The following RAB17 variants were observed in gnomAD, a reference collection of about 807,000 sequenced individuals.
The protein encoded by RAB17 is ras-related protein Rab-17.
RAB17 carries 15 observed loss-of-function variants against 19.3 expected under a neutral mutation model. That is an observed-to-expected ratio of 0.78 (90% CI 0.52 to 1.20). The LOEUF is 1.20. Among genes scored for constraint, RAB17 ranks in the 50% most tolerant of loss-of-function variants. RAB17 has a pLI of 0.00. For missense variants in RAB17, 262 were observed against 269.3 expected (o/e 0.97, Z 0.19); for synonymous variants, 110 against 112.8 (o/e 0.97, Z 0.16).
In RAB17 at chr2:237,574,894, C is replaced by A; in HGVS notation, c.*125G>T. The A allele has an allele frequency of 1.2e-6, 1 of 869,102 alleles. No homozygotes were observed. Among genetic ancestry groups the A allele is most frequent in the Non-Finnish European group, 1.7e-6 (1 of 593,656 alleles). The allele number at this position is 869,102 out of a possible 1,614,324, so 53.8% of individuals were successfully genotyped here. On this transcript the variant is annotated 3_prime_UTR_variant, in exon 6 of 6. Transcript: ENST00000264601. ...TGGGAAGTGGTTTTCATAAAGGGGG[C>A]CAACTTCCAGGAACATCTAGGGCTC...
intron 2 of RAB17, among the ~76,000 whole-genome samples, chr2:237,581,982 T>C (rs1245410582): frequency 6.6e-6 from 1 of 152,236 alleles, no homozygotes; most frequent in Non-Finnish European, 1.5e-5. Context: ...GGGCAGTCCA[T>C]GGGGAGGTCC....
At chr2:237,577,773 AACT>A in intron 3 of RAB17, 1 of 537,890 alleles carries the variant, frequency 1.9e-6, no homozygotes, top group Non-Finnish European at 3.3e-6. Context: ...CAGCACCAGG[AACT>A]ACTGAGTGGC....
chr2:237,576,738 G>T (rs907852696), intron 4 of RAB17: 2 of 471,036 alleles, frequency 4.2e-6, no homozygotes, highest in Non-Finnish European at 4.4e-6. Context: ...AAACAACAGC[G>T]ACACCTGGGT....
chr2:237,583,918 C>G (rs982701423), intron 2 of RAB17, among the ~76,000 whole-genome samples: 1 of 151,834 alleles, frequency 6.6e-6, no homozygotes, highest in South Asian at 2.1e-4. Context: ...GACATACAGG[C>G]CTGCCCCCCA....
chr2:237,586,757 T>A (rs569360569), intron 1 of RAB17, among the ~76,000 whole-genome samples: 107 of 152,250 alleles, frequency 7.0e-4, no homozygotes, highest in African/African-American at 2.6e-3. Flanking sequence ...TTTTTCATCA[T>A]AGAAACTTTC....
chr2:237,589,038 G>A (rs1054833161), intron 1 of RAB17, among the ~76,000 whole-genome samples: 3 of 152,236 alleles, frequency 2.0e-5, no homozygotes, highest in African/African-American at 4.8e-5. Context: ...TGTCCAACAC[G>A]GTGAAACCCC....
chr2:237,586,012 A>G lies in RAB17; in HGVS notation c.143T>C (p.Leu48Pro), dbSNP rs1397876056. Residue 48 changes from leucine (L) to proline (P), a missense_variant, in exon 2 of 6, where the codon CTG (leucine) becomes CCG (proline). Leu to Pro is a moderately conservative substitution (Grantham distance 98). Coordinates refer to ENST00000264601, the MANE Select transcript of RAB17 (RefSeq NM_022449.4). ...RYVKNDFKSI[L>P]PTVGCAFFTK... ...CCCTCACTTACAGCCCACCGTAGGCAGGATACTCTTGAAGTCGTTCTTCAC... is the reference window on the plus strand; with the variant it reads ...CCCTCACTTACAGCCCACCGTAGGCGGGATACTCTTGAAGTCGTTCTTCAC... The G allele has an allele frequency of 1.2e-6, 2 of 1,609,940 alleles. No individual in the cohort carries two copies. Among genetic ancestry groups the G allele is most frequent in the African/African-American group, 2.7e-5 (2 of 74,702 alleles).
intron 1 of RAB17, among the ~76,000 whole-genome samples, chr2:237,588,227 G>A (rs2081365998): frequency 7.3e-6 from 1 of 136,852 alleles, no homozygotes; most frequent in Non-Finnish European, 1.5e-5. Context: ...GATTAACACT[G>A]CTGCGTCTTG....
chr2:237,580,757 G>T (rs370568871), intron 2 of RAB17, among the ~76,000 whole-genome samples: 46 of 151,810 alleles, frequency 3.0e-4, no homozygotes, highest in African/African-American at 9.0e-4. Flanking sequence ...AAAAAAGAAG[G>T]GGGGGGAGGA....
intron 2 of RAB17, 89 bp downstream of exon 2, chr2:237,585,909 G>A: frequency 4.4e-6 from 6 of 1,368,490 alleles, no homozygotes; most frequent in East Asian, 2.5e-5. Flanking sequence ...ATTCCTAGGT[G>A]GGCCTCGTCC....
chr2:237,577,381 T>A lies in RAB17; in HGVS notation c.311A>T (p.Asp104Val). Residue 104 changes from aspartate to valine, a missense_variant and splice_region_variant, in exon 4 of 6, where the codon GAT becomes GTT. Transcript: ENST00000264601. The part of the protein sequence containing the change: ...ALLVYDITRK[D>V]SFLKAQQWLK... ...CCACTGCTGAGCCTTGAGGAAGGAA[T>A]CCTAGAAAAGAAGAAAAAAAGTAAC... The A allele has an allele frequency of 6.3e-7, 1 of 1,596,876 alleles. No homozygotes were observed. Among genetic ancestry groups the A allele is most frequent in the Non-Finnish European group, 8.5e-7 (1 of 1,170,538 alleles).
chr2:237,579,333 G>A (rs902766539), intron 2 of RAB17: 19 of 152,290 alleles, frequency 1.2e-4, no homozygotes, highest in Non-Finnish European at 2.3e-4. Flanking sequence ...TGAGCCGAGT[G>A]GCTCAAATTA....
chr2:237,574,376 CTT>C lies in RAB17; in HGVS notation c.*641_*642del. 1 of 1,517,218 alleles carries C rather than the reference CTT, an allele frequency of 6.6e-7. No individual in the cohort carries two copies. The highest frequency in any genetic ancestry group is 1.3e-5 in the South Asian group (1 of 78,022). 94.0% of individuals were successfully genotyped at this position (1,517,218 alleles called of 1,614,324 possible). ...AGGAAAAACTGCATACGCAGTACAA[CTT>C]ATATCTCAGGCGAAATGTCTCAGAA... is the stretch of plus-strand genomic sequence containing the variant. On this transcript the variant is annotated 3_prime_UTR_variant, in exon 6 of 6. Transcript: ENST00000264601.
At chr2:237,579,262 TA>T (rs2149183962) in intron 2 of RAB17, 1 of 152,292 alleles carries the variant, frequency 6.6e-6, no homozygotes, top group South Asian at 2.1e-4. Context: ...ATGTTTAAAA[TA>T]AAAACTTACA....
chr2:237,586,072 C>T lies in RAB17; in HGVS notation c.83G>A (p.Gly28Asp). Residue 28 changes from glycine (G) to aspartate (D), a missense_variant, in exon 2 of 6, where the codon GGC becomes GAC. Transcript: ENST00000264601. ...AGCCAAGCTGGACTTACCCACGGAG[C>T]CACTTCCCAGGAGAACCAGCTTGAA... ...RVFKLVLLGS[G>D]SVGKSSLALR... The T allele has an allele frequency of 6.2e-7, 1 of 1,613,632 alleles. No individual in the cohort carries two copies. The highest frequency in any genetic ancestry group is 8.5e-7 in the Non-Finnish European group (1 of 1,179,814).
rs1574939163 is a variant in RAB17, at chr2:237,588,811, G to T, written c.-4+1656C>A. On this transcript the variant is annotated intron_variant, in intron 1 of 5. Coordinates refer to ENST00000264601, the MANE Select transcript of RAB17 (RefSeq NM_022449.4). ...CCTTTCCTAAGTCAAAAAATCTGTA[G>T]CCCGAAACATGTCTGAATTAACTGA... is the stretch of plus-strand genomic sequence containing the variant. Among the ~76,000 whole-genome samples, 6 of 152,324 alleles carry T rather than the reference G, an allele frequency of 3.9e-5. 1 individual carries two copies. The South Asian group carries it at 1.2e-3, about 32-fold the overall frequency.
intron 3 of RAB17, 155 bp downstream of exon 3, chr2:237,577,849 G>C (rs994011901): frequency 8.8e-6 from 7 of 799,120 alleles, no homozygotes; most frequent in Admixed American, 2.4e-5. Context: ...GGAGGAGGAT[G>C]GGGGGTTGTC....
chr2:237,581,729 C>T (rs979956060), intron 2 of RAB17, among the ~76,000 whole-genome samples: 3 of 152,154 alleles, frequency 2.0e-5, no homozygotes, highest in Non-Finnish European at 2.9e-5. Context: ...TTTCTGGGGG[C>T]TCTAGGACGT....
chr2:237,575,241 A>T, intron 5 of RAB17, 113 bp from the exon 6 acceptor site: 2 of 1,056,194 alleles, frequency 1.9e-6, no homozygotes, highest in East Asian at 5.1e-5. Flanking sequence ...CCTGAACCAT[A>T]GAACAAGGGC....
Sources: allele counts gnomAD v4.1 joint callset (sites outside exome capture counted in the v4.1 genomes callset), GRCh38; gene constraint gnomAD v4.1.1; transcripts MANE v1.5; gene names NCBI Gene and HGNC (gene_info 2026-07-23, HGNC 2026-07-21).